NEGR1: variants seen among roughly 807,000 people sequenced by gnomAD.
The protein encoded by NEGR1 is IgLON family member 4.
In NEGR1, 10 loss-of-function variants were observed where a neutral mutation model predicts 40.9. The observed-to-expected ratio is 0.24, with a 90% CI of 0.15 to 0.42. NEGR1 has a LOEUF of 0.42. Ranked by LOEUF, NEGR1 falls within the 10% of genes least tolerant of loss-of-function variation. The pLI is 1.00. For synonymous variants in NEGR1, 185 were observed against 166.8 expected, an observed-to-expected ratio of 1.11 and a Z score of -0.84; for missense variants, 352 against 438.9, an observed-to-expected ratio of 0.80 and a Z score of 1.77.
intron 3 of NEGR1, among the ~76,000 whole-genome samples, chr1:71,740,133 A>G (rs1000371582): frequency 6.6e-6 from 1 of 152,202 alleles, no homozygotes; most frequent in Non-Finnish European, 1.5e-5. Flanking sequence ...TGGAATTTAT[A>G]TCATTCAGTT....
chr1:72,064,216 A>G lies in NEGR1; in HGVS notation c.177-128905T>C, dbSNP rs11209901. On this transcript the variant is annotated intron_variant, in intron 1 of 6. Transcript: ENST00000357731. ...GTAGAAAAAAGGAGCCTTTATCACAAATCATATTGCCTTTCCAGTCTCCCA... is the reference window on the plus strand; with the variant it reads ...GTAGAAAAAAGGAGCCTTTATCACAGATCATATTGCCTTTCCAGTCTCCCA... Among the ~76,000 whole-genome samples the G allele has an allele frequency of 1.0e-2, 1,519 of 152,056 alleles. 28 individuals carry two copies. Among genetic ancestry groups the G allele is most frequent in the African/African-American group, 0.035 (1,452 of 41,500 alleles).
At chr1:71,954,984 A>C (rs1353884114) in intron 1 of NEGR1, among the ~76,000 whole-genome samples, 1 of 152,170 alleles carries the variant, frequency 6.6e-6, no homozygotes, top group African/African-American at 2.4e-5. Context: ...TGAGGAATAA[A>C]TTTTACACAC....
At chr1:72,272,936 C>T (rs928363280) in intron 1 of NEGR1, among the ~76,000 whole-genome samples, 11 of 151,776 alleles carry the variant, frequency 7.2e-5, no homozygotes, top group Non-Finnish European at 1.3e-4. Context: ...TGCCAAATTC[C>T]TCCTTTCCTC....
At chr1:71,962,565 T>C (rs1318237768) in intron 1 of NEGR1, among the ~76,000 whole-genome samples, 2 of 152,076 alleles carry the variant, frequency 1.3e-5, no homozygotes, top group African/African-American at 4.8e-5. Context: ...AAATCTGCCC[T>C]AGTTGGCTCT....
At chr1:72,172,181 GC>G in intron 1 of NEGR1, among the ~76,000 whole-genome samples, 1 of 152,122 alleles carries the variant, frequency 6.6e-6, no homozygotes, top group Admixed American at 6.5e-5. Context: ...CAATATGATT[GC>G]TTTTTCAATA....
chr1:72,158,919 A>C (rs1309335579), intron 1 of NEGR1, among the ~76,000 whole-genome samples: 8 of 152,298 alleles, frequency 5.3e-5, no homozygotes, highest in Admixed American at 5.2e-4. Flanking sequence ...TCAGTTGATA[A>C]AGATCAGACC....
chr1:71,866,046 G>A (rs1180623119), intron 2 of NEGR1, among the ~76,000 whole-genome samples: 2 of 151,818 alleles, frequency 1.3e-5, no homozygotes, highest in Non-Finnish European at 2.9e-5. Context: ...CCCAATTCTG[G>A]TTTGAAATAC....
At chr1:71,486,660 C>G (rs1347162049) in intron 6 of NEGR1, 5 of 151,422 alleles carry the variant, frequency 3.3e-5, no homozygotes, top group African/African-American at 1.2e-4. Context: ...GTCTAAGGGT[C>G]TGTTATAGGA....
chr1:72,041,961 T>TAAC (rs1369981428), intron 1 of NEGR1, among the ~76,000 whole-genome samples: 3 of 143,974 alleles, frequency 2.1e-5, no homozygotes, highest in Non-Finnish European at 4.6e-5. Flanking sequence ...AAATATATAT[T>TAAC]ATATATAAAT....
At chr1:72,127,963 G>A (rs1172187021) in intron 1 of NEGR1, among the ~76,000 whole-genome samples, 2 of 152,062 alleles carry the variant, frequency 1.3e-5, no homozygotes, top group African/African-American at 4.8e-5. Flanking sequence ...ATTGTAGGAA[G>A]AAAGAAGATA....
intron 1 of NEGR1, among the ~76,000 whole-genome samples, chr1:72,054,311 G>A (rs1359539918): frequency 6.6e-6 from 1 of 151,206 alleles, no homozygotes; most frequent in African/African-American, 2.4e-5. Flanking sequence ...TACATCTATA[G>A]CTGTATCTTA....
intron 1 of NEGR1, among the ~76,000 whole-genome samples, chr1:72,081,180 T>G (rs2630421): frequency 0.98 from 148,905 of 152,168 alleles, 72,950 homozygotes; most frequent in Middle Eastern, 1. Flanking sequence ...TAACTAAAGA[T>G]AAGGTAGTGC....
At chr1:72,118,874 A>C (rs1649683615) in intron 1 of NEGR1, among the ~76,000 whole-genome samples, 1 of 151,720 alleles carries the variant, frequency 6.6e-6, no homozygotes, top group Non-Finnish European at 1.5e-5. Context: ...ATTTTAAATA[A>C]ATGTAGATGT....
chr1:72,248,631 G>A (rs1047345827), intron 1 of NEGR1, among the ~76,000 whole-genome samples: 48 of 138,000 alleles, frequency 3.5e-4, no homozygotes, highest in African/African-American at 1.2e-3. Context: ...ACAGAGTCTC[G>A]CTCTGTTGCC....
chr1:71,933,009 G>C (rs898103741), intron 2 of NEGR1, among the ~76,000 whole-genome samples: 1 of 151,980 alleles, frequency 6.6e-6, no homozygotes, highest in Non-Finnish European at 1.5e-5. Context: ...AAGTAATTAT[G>C]TTCATAAATA....
chr1:71,846,632 A>G (rs1313019305), intron 2 of NEGR1, among the ~76,000 whole-genome samples: 1 of 152,140 alleles, frequency 6.6e-6, no homozygotes, highest in Non-Finnish European at 1.5e-5. Context: ...GTCTTAGTCC[A>G]TTCAGGCTGC....
chr1:71,711,569 G>A (rs1470173857), intron 3 of NEGR1, among the ~76,000 whole-genome samples: 2 of 151,726 alleles, frequency 1.3e-5, no homozygotes, highest in Non-Finnish European at 2.9e-5. Context: ...AAATGGTGTG[G>A]CCACTTTGGA....
At chr1:71,839,198 CTTTT>C (rs140520810) in intron 2 of NEGR1, among the ~76,000 whole-genome samples, 9 of 80,014 alleles carry the variant, frequency 1.1e-4, no homozygotes, top group East Asian at 3.9e-4. Flanking sequence ...AGAGACCAGA[CTTTT>C]TTTTTTTTTT....
chr1:71,795,022 T>C (rs1386539998), intron 2 of NEGR1, among the ~76,000 whole-genome samples: 1 of 151,928 alleles, frequency 6.6e-6, no homozygotes, highest in Non-Finnish European at 1.5e-5. Flanking sequence ...GGCAGAAAAA[T>C]TTAAATTAAA....
Sources: allele counts gnomAD v4.1 joint callset (sites outside exome capture counted in the v4.1 genomes callset), GRCh38; gene constraint gnomAD v4.1.1; transcripts MANE v1.5; gene names NCBI Gene and HGNC (gene_info 2026-07-23, HGNC 2026-07-21).